Variants in MAGI2 observed in about 807,000 individuals in gnomAD.
The protein encoded by MAGI2 is membrane-associated guanylate kinase, WW and PDZ domain-containing protein 2.
In MAGI2, 35 loss-of-function variants were observed where a neutral mutation model predicts 133.3. That is an observed-to-expected ratio of 0.26 (90% CI 0.20 to 0.35). The LOEUF (loss-of-function observed/expected upper bound fraction) is 0.35, where lower values mean the gene tolerates loss of function less well. Ranked by LOEUF, MAGI2 falls within the 10% of genes least tolerant of loss-of-function variation. The pLI is 1.00. For synonymous variants in MAGI2, 729 were observed against 710.6 expected (o/e 1.03, Z -0.41); for missense variants, 1,636 against 1,863.4 (o/e 0.88, Z 2.25).
intron 1 of MAGI2, among the ~76,000 whole-genome samples, chr7:79,446,008 C>T (rs1008263109): frequency 6.6e-6 from 1 of 152,162 alleles, no homozygotes; most frequent in Non-Finnish European, 1.5e-5. Flanking sequence ...GAGTTCATGT[C>T]CTTTGTAGGG....
At chr7:78,208,692 ATT>A (rs34097630) in intron 10 of MAGI2, among the ~76,000 whole-genome samples, 51,118 of 147,710 alleles carry the variant, frequency 0.35, 9,595 homozygotes, top group Non-Finnish European at 0.43. Context: ...AATGTATAGC[ATT>A]TTTTTTTTTT....
intron 2 of MAGI2, among the ~76,000 whole-genome samples, chr7:78,861,588 A>G (rs567700359): frequency 1.3e-5 from 2 of 152,342 alleles, no homozygotes; most frequent in East Asian, 1.9e-4. Context: ...CTGGCTTCCA[A>G]TCCTCCACCT....
intron 16 of MAGI2, among the ~76,000 whole-genome samples, chr7:78,137,954 A>G (rs1206448251): frequency 6.6e-6 from 1 of 152,164 alleles, no homozygotes; most frequent in African/African-American, 2.4e-5. Flanking sequence ...ATATATGTAT[A>G]TATATGTTTA....
chr7:79,424,157 A>G (rs181682313), intron 1 of MAGI2, among the ~76,000 whole-genome samples: 8 of 152,268 alleles, frequency 5.3e-5, no homozygotes, highest in Middle Eastern at 3.4e-3. Context: ...GTCCATGTGC[A>G]GTAGAAACTT....
At chr7:78,682,269 G>T (rs1319392799) in intron 2 of MAGI2, among the ~76,000 whole-genome samples, 1 of 152,024 alleles carries the variant, frequency 6.6e-6, no homozygotes, top group East Asian at 1.9e-4. Flanking sequence ...ACATGTGTAG[G>T]ATGTGCAGAT....
intron 2 of MAGI2, among the ~76,000 whole-genome samples, chr7:78,639,166 T>C (rs1810002148): frequency 1.3e-5 from 2 of 152,174 alleles, no homozygotes; most frequent in Admixed American, 1.3e-4. Context: ...AGTATCACCA[T>C]TATGTCCCTA....
At chr7:79,316,755 T>C (rs1279788309) in intron 1 of MAGI2, among the ~76,000 whole-genome samples, 1 of 152,164 alleles carries the variant, frequency 6.6e-6, no homozygotes, top group African/African-American at 2.4e-5. Flanking sequence ...CTAACATTTA[T>C]TAAGTGCAAA....
chr7:78,440,677 C>T (rs1001664058), intron 6 of MAGI2, among the ~76,000 whole-genome samples: 2 of 152,008 alleles, frequency 1.3e-5, no homozygotes, highest in African/African-American at 4.8e-5. Flanking sequence ...AGAGGATGGG[C>T]GTGGTGGCTC....
intron 2 of MAGI2, among the ~76,000 whole-genome samples, chr7:78,982,292 C>A (rs1804862232): frequency 6.6e-6 from 1 of 151,812 alleles, no homozygotes; most frequent in African/African-American, 2.4e-5. Flanking sequence ...CTTTGGCCAC[C>A]ATGAAACCAG....
intron 1 of MAGI2, among the ~76,000 whole-genome samples, chr7:79,231,706 G>C (rs1585269131): frequency 1.5e-5 from 2 of 134,930 alleles, no homozygotes; most frequent in East Asian, 4.2e-4. Context: ...GAGACAGTGG[G>C]GTTTTCTAGA....
chr7:78,655,874 G>A (rs867349077), intron 2 of MAGI2, among the ~76,000 whole-genome samples: 3 of 151,462 alleles, frequency 2.0e-5, no homozygotes, highest in Non-Finnish European at 4.4e-5. Context: ...CCAGCTACTC[G>A]GGAGGCTGAG....
At chr7:78,746,200 A>G (rs1822913672) in intron 2 of MAGI2, among the ~76,000 whole-genome samples, 1 of 152,194 alleles carries the variant, frequency 6.6e-6, no homozygotes, top group African/African-American at 2.4e-5. Context: ...TCAAAGAGCA[A>G]TTTTGTAGAC....
intron 1 of MAGI2, chr7:79,125,567 G>GT (rs1820339618): frequency 3.9e-6 from 2 of 507,594 alleles, no homozygotes; most frequent in Non-Finnish European, 7.9e-6. Flanking sequence ...TATAACAGCT[G>GT]TATCAGTGGA....
At chr7:78,912,404 T>A (rs1798465230) in intron 2 of MAGI2, among the ~76,000 whole-genome samples, 4 of 152,102 alleles carry the variant, frequency 2.6e-5, no homozygotes, top group Admixed American at 2.6e-4. Context: ...ATCCTGGATG[T>A]GTCTGTGAGG....
At chr7:78,277,871 G>A (rs141764219) in intron 9 of MAGI2, among the ~76,000 whole-genome samples, 1 of 152,218 alleles carries the variant, frequency 6.6e-6, no homozygotes. Flanking sequence ...GTCTGGTAGG[G>A]AGAGGTAGAA....
intron 1 of MAGI2, among the ~76,000 whole-genome samples, chr7:79,111,816 G>A (rs992425463): frequency 8.6e-5 from 13 of 152,000 alleles, no homozygotes; most frequent in African/African-American, 1.9e-4. Flanking sequence ...ACAGGCGCCC[G>A]CCACCATGCC....
chr7:79,160,196 C>T (rs184217190), intron 1 of MAGI2, among the ~76,000 whole-genome samples: 96 of 151,990 alleles, frequency 6.3e-4, no homozygotes, highest in Middle Eastern at 3.4e-3. Flanking sequence ...AATATGTTTT[C>T]GGTAAAGTTT....
intron 3 of MAGI2, among the ~76,000 whole-genome samples, chr7:78,580,075 C>CT (rs954289242): frequency 5.3e-5 from 8 of 151,842 alleles, no homozygotes; most frequent in Admixed American, 2.6e-4. Context: ...TTTGAAGTAA[C>CT]TTTTTTTATA....
intron 10 of MAGI2, chr7:78,255,706 T>C (rs1792895245): frequency 1.7e-6 from 1 of 593,606 alleles, no homozygotes; most frequent in Non-Finnish European, 2.9e-6. Context: ...TCTATCAATA[T>C]GTCTGTAAGA....
Sources: allele counts gnomAD v4.1 joint callset (sites outside exome capture counted in the v4.1 genomes callset), GRCh38; gene constraint gnomAD v4.1.1; transcripts MANE v1.5; gene names NCBI Gene and HGNC (gene_info 2026-07-23, HGNC 2026-07-21).